ADAMTS18: variants seen among roughly 807,000 people sequenced by gnomAD.
ADAMTS18 encodes A disintegrin and metalloproteinase with thrombospondin motifs 18.
Under a neutral mutation model 165.9 loss-of-function variants are expected in ADAMTS18, and 157 were observed. That is an observed-to-expected ratio of 0.95 (90% CI 0.83 to 1.08). The LOEUF (loss-of-function observed/expected upper bound fraction) is 1.08. ADAMTS18 is among the 50% of genes least tolerant of loss of function. The pLI, the probability that ADAMTS18 is intolerant of heterozygous loss-of-function variation, is 0.00. For missense variants in ADAMTS18, 2,040 were observed against 1,534.0 expected (o/e 1.33, Z -5.51); for synonymous variants, 782 against 578.2 (o/e 1.35, Z -5.06).
intron 3 of ADAMTS18, among the ~76,000 whole-genome samples, chr16:77,371,639 T>C (rs760513892): frequency 1.3e-5 from 2 of 152,216 alleles, no homozygotes; most frequent in Non-Finnish European, 2.9e-5. Context: ...CAAAGTGGAT[T>C]AAAGACTTAA....
intron 3 of ADAMTS18, among the ~76,000 whole-genome samples, chr16:77,398,710 T>G (rs2057290180): frequency 6.6e-6 from 1 of 152,122 alleles, no homozygotes; most frequent in Admixed American, 6.5e-5. Context: ...CTTGATGACC[T>G]TAGTACACAC....
chr16:77,383,997 G>C (rs549605848), intron 3 of ADAMTS18, among the ~76,000 whole-genome samples: 1 of 152,196 alleles, frequency 6.6e-6, no homozygotes, highest in Non-Finnish European at 1.5e-5. Flanking sequence ...TGACATGAGA[G>C]TGCCACACGC....
At chr16:77,415,398 T>A (rs1044883861) in intron 3 of ADAMTS18, among the ~76,000 whole-genome samples, 1 of 152,200 alleles carries the variant, frequency 6.6e-6, no homozygotes, top group Admixed American at 6.5e-5. Flanking sequence ...CACAGTACTT[T>A]AATTTCAGGC....
At chr16:77,416,725 C>T (rs2144839655) in intron 3 of ADAMTS18, among the ~76,000 whole-genome samples, 1 of 152,230 alleles carries the variant, frequency 6.6e-6, no homozygotes, top group South Asian at 2.1e-4. Flanking sequence ...ATATACTATG[C>T]TCAATGTAAA....
At chr16:77,377,772 T>C (rs114284978) in intron 3 of ADAMTS18, among the ~76,000 whole-genome samples, 2,458 of 152,338 alleles carry the variant, frequency 0.016, 39 homozygotes, top group South Asian at 0.044. Context: ...TTTAAAAATT[T>C]TTTTAAATCT....
At chr16:77,317,638 A>G (rs776305548) in intron 16 of ADAMTS18, among the ~76,000 whole-genome samples, 3 of 152,172 alleles carry the variant, frequency 2.0e-5, no homozygotes, top group Non-Finnish European at 4.4e-5. Context: ...CTGAAGTTCT[A>G]GCAAATCTAA....
In ADAMTS18 at chr16:77,350,735, T is replaced by C. The variant is rs187373235; in HGVS notation, c.1614+2998A>G. On this transcript the variant is annotated intron_variant, in intron 10 of 22. Transcript: ENST00000282849. ...GTCATCTAGAGCTTTTGTTAGAATA[T>C]GGGTTTCTGGGTCCTAGCCCCAAAA... 1.6e-3 allele frequency among the ~76,000 whole-genome samples: 249 copies of C among 152,258 alleles called. 2 individuals are homozygous for C. Among genetic ancestry groups the C allele is most frequent in the African/African-American group, 5.7e-3 (238 of 41,560 alleles).
chr16:77,305,078 A>C (rs2055657362), intron 16 of ADAMTS18, among the ~76,000 whole-genome samples: 1 of 150,432 alleles, frequency 6.6e-6, no homozygotes, highest in Non-Finnish European at 1.5e-5. Flanking sequence ...TCAGCTCGTA[A>C]AGGCCTTGTA....
chr16:77,419,718 C>T (rs541016200), intron 3 of ADAMTS18, among the ~76,000 whole-genome samples: 1 of 152,094 alleles, frequency 6.6e-6, no homozygotes, highest in Non-Finnish European at 1.5e-5. Context: ...GTCTTAGAAG[C>T]TGACCTCGCC....
intron 16 of ADAMTS18, among the ~76,000 whole-genome samples, chr16:77,315,615 T>A (rs2055873395): frequency 6.6e-6 from 1 of 152,136 alleles, no homozygotes; most frequent in Non-Finnish European, 1.5e-5. Context: ...CAAGCACGCC[T>A]CTCCGTGACA....
intron 16 of ADAMTS18, among the ~76,000 whole-genome samples, chr16:77,304,155 G>A (rs950677268): frequency 6.6e-6 from 1 of 152,138 alleles, no homozygotes; most frequent in East Asian, 1.9e-4. Context: ...AACAAATCTC[G>A]GTGATGATTA....
chr16:77,403,261 T>C (rs2057353825), intron 3 of ADAMTS18, among the ~76,000 whole-genome samples: 2 of 152,222 alleles, frequency 1.3e-5, no homozygotes, highest in Admixed American at 1.3e-4. Flanking sequence ...TTTTTTATCC[T>C]TAGGCTAATT....
chr16:77,376,917 C>A (rs909398638), intron 3 of ADAMTS18, among the ~76,000 whole-genome samples: 1 of 148,146 alleles, frequency 6.8e-6, no homozygotes. Flanking sequence ...CAGGTTCAAG[C>A]GATTCTTCTG....
rs889924232 is a variant in ADAMTS18 at position 77,399,875 on chromosome 16, C to G, written c.495+31420G>C. Among the ~76,000 whole-genome samples the G allele has an allele frequency of 4.5e-4, 69 of 152,258 alleles. 1 individual carries two copies. Among genetic ancestry groups the G allele is most frequent in the African/African-American group, 1.6e-3 (66 of 41,552 alleles). On this transcript the variant is annotated intron_variant, in intron 3 of 22. Transcript: ENST00000282849. ...CTGTAATGTCCCTAAGTAATAGTCT[C>G]TAGTATAAACTAATTACAGATAGCT...
intron 3 of ADAMTS18, among the ~76,000 whole-genome samples, chr16:77,370,481 G>A (rs148700168): frequency 1.9e-3 from 291 of 152,272 alleles, no homozygotes; most frequent in African/African-American, 6.0e-3. Context: ...CAAGTGCAGT[G>A]GCTCACACCT....
In ADAMTS18 at chr16:77,319,882, C is replaced by A. The variant is rs538095477; in HGVS notation, c.2499G>T (p.Ala833=). 1.4e-5 allele frequency: 22 copies of A among 1,614,144 alleles called. No homozygotes were observed. The South Asian group carries it at 1.9e-4, about 14-fold the overall frequency. The change falls in exon 16 of 23, where the codon GCG becomes GCT. Residue 833 remains alanine, a synonymous_variant. Transcript: ENST00000282849. ...RSFNRPERLY[A]PGPTNETLVF... ...CCAGCGTCTCATTTGTGGGCCCTGG[C>A]GCGTACAGACGTTCCGGGCGGTTGA...
At chr16:77,307,918 A>C (rs1365917199) in intron 16 of ADAMTS18, among the ~76,000 whole-genome samples, 1 of 152,142 alleles carries the variant, frequency 6.6e-6, no homozygotes. Context: ...TCATTGATCA[A>C]TGTGCCTGTC....
intron 14 of ADAMTS18, 36 bp downstream of exon 14, chr16:77,322,300 A>G: frequency 6.2e-7 from 1 of 1,612,552 alleles, no homozygotes; most frequent in Non-Finnish European, 8.5e-7. Flanking sequence ...AAACACAAGC[A>G]TGCTCATACA....
chr16:77,321,402 G>T (rs192895332), intron 14 of ADAMTS18, among the ~76,000 whole-genome samples, 200 bp from the exon 15 acceptor site: 33 of 152,278 alleles, frequency 2.2e-4, no homozygotes, highest in African/African-American at 7.2e-4. Context: ...TGAGCAAGTT[G>T]TATAACTCAT....
Sources: allele counts gnomAD v4.1 joint callset (sites outside exome capture counted in the v4.1 genomes callset), GRCh38; gene constraint gnomAD v4.1.1; transcripts MANE v1.5; gene names NCBI Gene and HGNC (gene_info 2026-07-23, HGNC 2026-07-21).